Variants in DPY30 observed in about 807,000 individuals in gnomAD.
DPY30 encodes protein dpy-30 homolog.
In DPY30, 6 loss-of-function variants were observed where a neutral mutation model predicts 16.2. The observed-to-expected ratio is 0.37, with a 90% CI of 0.20 to 0.73. The LOEUF is 0.73. Ranked by LOEUF, DPY30 falls within the 30% of genes least tolerant of loss-of-function variation. DPY30 has a pLI of 0.51. For missense variants in DPY30, 73 were observed against 113.1 expected (o/e 0.65, Z 1.61); for synonymous variants, 39 against 38.8 (o/e 1.00, Z -0.02).
At chr2:32,013,729 G>C (rs973361036) in intron 5 of DPY30, among the ~76,000 whole-genome samples, 1 of 152,220 alleles carries the variant, frequency 6.6e-6, no homozygotes, top group African/African-American at 2.4e-5. Context: ...AAGAAGGCAG[G>C]CCGGGCGCGG....
At chr2:32,038,408 GA>G (rs1350330108) in intron 3 of DPY30, among the ~76,000 whole-genome samples, 57 of 66,590 alleles carry the variant, frequency 8.6e-4, no homozygotes, top group Middle Eastern at 0.011. Flanking sequence ...GCCTTATTTT[GA>G]GGGGGGGGGG....
chr2:32,039,595 G>A, intron 1 of DPY30, 103 bp from the exon 2 acceptor site: 1 of 1,122,088 alleles, frequency 8.9e-7, no homozygotes, highest in Non-Finnish European at 1.3e-6. Context: ...ACCCCCACCT[G>A]GGCGCGGGAG....
At chr2:32,023,766 T>A (rs779709300), downstream of DPY30, 146 of 1,305,090 alleles carry the variant, frequency 1.1e-4, no homozygotes, top group Middle Eastern at 4.3e-4. Context: ...CTGAATTTTT[T>A]AAATTATACT....
intron 3 of DPY30, among the ~76,000 whole-genome samples, chr2:32,033,201 G>A (rs1227357737): frequency 2.0e-5 from 3 of 151,394 alleles, no homozygotes; most frequent in South Asian, 2.1e-4. Context: ...CCAGGCACTC[G>A]GGAGGCTGAG....
chr2:32,015,731 T>G (rs1223287724), intron 5 of DPY30, among the ~76,000 whole-genome samples: 1 of 151,700 alleles, frequency 6.6e-6, no homozygotes, highest in Non-Finnish European at 1.5e-5. Flanking sequence ...TACCGCGCCC[T>G]GTAGTACCAG....
In DPY30 at chr2:32,029,817, T is replaced by A. The variant is rs934583775; in HGVS notation, c.85-81A>T. ...GTGCTAAACAAAACTAATGGAAATA[T>A]GACACTAATAGAAAAGGCAAATCAA... On this transcript the variant is annotated intron_variant, in intron 3 of 4. Transcript: ENST00000342166. 3 of 1,499,678 alleles carry A rather than the reference T, an allele frequency of 2.0e-6. No individual in the cohort carries two copies. In the Admixed American group the frequency reaches 5.2e-5, roughly 26 times the overall value. 92.9% of individuals were successfully genotyped at this position (1,499,678 alleles called of 1,614,324 possible).
At chr2:32,023,405 A>T, downstream of DPY30, 1 of 459,368 alleles carries the variant, frequency 2.2e-6, no homozygotes, top group South Asian at 1.6e-5. Flanking sequence ...ACAGGATTTG[A>T]ATTCCCAAAA....
At chr2:32,023,846 T>A, downstream of DPY30, 1 of 1,311,398 alleles carries the variant, frequency 7.6e-7, no homozygotes, top group Non-Finnish European at 1.0e-6. Flanking sequence ...GAGAAATTCA[T>A]AAAACAATTC....
intron 3 of DPY30, among the ~76,000 whole-genome samples, chr2:32,037,596 C>T (rs565774442): frequency 6.6e-6 from 1 of 151,672 alleles, no homozygotes; most frequent in South Asian, 2.1e-4. Context: ...CTCACTCTGT[C>T]ACCCAGGCTG....
At chr2:32,018,335 GGAA>G (rs1407403001) in intron 5 of DPY30, among the ~76,000 whole-genome samples, 17 of 152,018 alleles carry the variant, frequency 1.1e-4, no homozygotes, top group East Asian at 9.6e-4. Context: ...TGTGCTTTGT[GGAA>G]GAAGGACAAT....
intron 3 of DPY30, among the ~76,000 whole-genome samples, chr2:32,036,899 C>T (rs1312729709): frequency 2.6e-5 from 4 of 151,820 alleles, no homozygotes; most frequent in Admixed American, 1.3e-4. Context: ...CACCAAGACA[C>T]GCCACAACCA....
At chr2:32,035,384 A>T (rs1010531503) in intron 3 of DPY30, among the ~76,000 whole-genome samples, 1 of 151,866 alleles carries the variant, frequency 6.6e-6, no homozygotes, top group Admixed American at 6.6e-5. Flanking sequence ...CGGGTGGATC[A>T]CGAGGTCAGG....
Position 32,024,243 on chromosome 2 carries a change from T to C in DPY30, c.241A>G (p.Ile81Val). The change falls in exon 5 of 5, where the codon ATT becomes GTT. Residue 81 changes from isoleucine to valine, a missense_variant. This residue lies in a region of DPY30 where 20 missense variants were observed against 25.3 expected (regional missense o/e 0.79). Coordinates refer to ENST00000342166, the MANE Select transcript of DPY30 (RefSeq NM_001321209.2). ...VLAKERPPNP[I>V]EFLASYLLKN... Reference sequence around the variant, plus strand: ...AAAAGATAAGATGCTAGAAATTCAATGGGATTTGGTGGTCTGTAAGGGAAA... The same window carrying C: ...AAAAGATAAGATGCTAGAAATTCAACGGGATTTGGTGGTCTGTAAGGGAAA... The C allele has an allele frequency of 6.2e-7, 1 of 1,611,492 alleles. No individual in the cohort carries two copies. The highest frequency in any genetic ancestry group is 8.5e-7 in the Non-Finnish European group (1 of 1,178,320).
In DPY30 at chr2:32,025,459, T is replaced by C. The variant is rs184762154; in HGVS notation, c.228-1203A>G. On this transcript the variant is annotated intron_variant, in intron 4 of 4. Coordinates refer to ENST00000342166, the MANE Select transcript of DPY30 (RefSeq NM_001321209.2). Reference sequence around the variant, plus strand: ...GCCTGGGCGACAGAGCAAGATTCCGTCTCAAAAAAAAAATTGTATTTGACC... The same window carrying C: ...GCCTGGGCGACAGAGCAAGATTCCGCCTCAAAAAAAAAATTGTATTTGACC... 1.6e-3 allele frequency among the ~76,000 whole-genome samples: 239 copies of C among 151,134 alleles called. 1 individual carries two copies. The highest frequency in any genetic ancestry group is 5.4e-3 in the African/African-American group (222 of 41,088).
At chr2:32,030,523 G>C (rs771212422) in intron 3 of DPY30, among the ~76,000 whole-genome samples, 2 of 151,832 alleles carry the variant, frequency 1.3e-5, no homozygotes, top group Non-Finnish European at 2.9e-5. Context: ...CCACTTACTC[G>C]GGAGGCTGAA....
Position 32,023,920 on chromosome 2 carries a change from T to A in DPY30, c.*264A>T, listed in dbSNP as rs1449359950. ...TTTAAAATAATGGTGTTTTGACAGTTTATTTTGAAGGTCATTTTAAAAACA... is the reference window on the plus strand; with the variant it reads ...TTTAAAATAATGGTGTTTTGACAGTATATTTTGAAGGTCATTTTAAAAACA... On this transcript the variant is annotated 3_prime_UTR_variant, in exon 5 of 5. Transcript: ENST00000342166. 1 of 1,358,954 alleles carries A rather than the reference T, an allele frequency of 7.4e-7. No individual in the cohort carries two copies. The highest frequency in any genetic ancestry group is 9.6e-7 in the Non-Finnish European group (1 of 1,046,534). 84.2% of individuals were successfully genotyped at this position (1,358,954 alleles called of 1,614,324 possible). A position where few individuals can be genotyped will look rare whatever the true frequency, so the allele number is the denominator to read the frequency against.
At position 32,039,413 on chromosome 2, in the gene DPY30, CCT is replaced by C; in HGVS notation, c.36+6_36+7del. On this transcript the variant is annotated splice_donor_region_variant and intron_variant, in intron 2 of 4. Coordinates refer to ENST00000342166, the MANE Select transcript of DPY30 (RefSeq NM_001321209.2). ...CACCGCCACCCTGAATCCACGGCCT[CCT>C]GATACCTGCGTTTGTCCCTCCAGCA... The C allele has an allele frequency of 6.2e-7, 1 of 1,614,186 alleles. No homozygotes were observed. Among genetic ancestry groups the C allele is most frequent in the Non-Finnish European group, 8.5e-7 (1 of 1,180,030 alleles).
At chr2:32,018,076 T>G (rs1226267539) in intron 5 of DPY30, among the ~76,000 whole-genome samples, 1 of 152,062 alleles carries the variant, frequency 6.6e-6, no homozygotes, top group African/African-American at 2.4e-5. Flanking sequence ...AGAAATAAAT[T>G]GTTGTTTACA....
At chr2:32,023,103 G>A (rs1458258800), downstream of DPY30, among the ~76,000 whole-genome samples, 1 of 151,424 alleles carries the variant, frequency 6.6e-6, no homozygotes, top group Non-Finnish European at 1.5e-5. Context: ...GGATCACAAG[G>A]TCAGGAGTTC....
Sources: gnomAD v4.1 joint callset for allele counts (sites outside exome capture counted in the v4.1 genomes callset) on GRCh38, gnomAD v4.1.1 for gene constraint, gnomAD v4.1.1 regional missense constraint, MANE v1.5 for transcripts, NCBI Gene and HGNC (gene_info 2026-07-23, HGNC 2026-07-21) for gene names.